CSTPP1: variants seen among roughly 807,000 people sequenced by gnomAD.
CSTPP1 encodes the protein UPF0705 protein C11orf49.
At chr11:47,155,122 C>T in the CSTPP1 span, 15 of 1,412,460 alleles carry the variant, frequency 1.1e-5, no homozygotes, top group South Asian at 1.3e-4. Context: ...CTCTCCCTCC[C>T]CTCCTTAAAC....
At chr11:47,034,769 G>A in the CSTPP1 span, among the ~76,000 whole-genome samples, 3 of 152,042 alleles carry the variant, frequency 2.0e-5, no homozygotes, top group East Asian at 5.8e-4. Flanking sequence ...AAAGTGCTGG[G>A]ATTACAGGCA....
At chr11:46,954,032 C>G in the CSTPP1 span, among the ~76,000 whole-genome samples, 1 of 151,920 alleles carries the variant, frequency 6.6e-6, no homozygotes, top group Non-Finnish European at 1.5e-5. Flanking sequence ...AAAGATAGCT[C>G]GACTAGGGCC....
chr11:47,040,050 G>C, the CSTPP1 span, among the ~76,000 whole-genome samples: 18 of 128,376 alleles, frequency 1.4e-4, 4 homozygotes, highest in Admixed American at 9.9e-4. Flanking sequence ...CATTACAAAG[G>C]CTAACTTTAT....
chr11:47,042,220 T>C, the CSTPP1 span, among the ~76,000 whole-genome samples: 1 of 151,110 alleles, frequency 6.6e-6, no homozygotes, highest in African/African-American at 2.4e-5. Context: ...AAAAATAAAA[T>C]AAAGAAAGAG....
the CSTPP1 span, among the ~76,000 whole-genome samples, chr11:47,074,290 A>G: frequency 2.6e-5 from 4 of 152,124 alleles, no homozygotes; most frequent in Admixed American, 6.6e-5. Flanking sequence ...GCTTGAGCCC[A>G]AGAATTTGAG....
the CSTPP1 span, among the ~76,000 whole-genome samples, chr11:47,121,338 C>G: frequency 6.6e-6 from 1 of 152,094 alleles, no homozygotes; most frequent in Non-Finnish European, 1.5e-5. Flanking sequence ...GTTAGCCACA[C>G]GAGCTTTTGT....
the CSTPP1 span, among the ~76,000 whole-genome samples, chr11:46,974,622 C>T: frequency 1.3e-5 from 2 of 151,620 alleles, no homozygotes; most frequent in Admixed American, 6.6e-5. Flanking sequence ...GGGTGGTTCA[C>T]TTGAGATCAG....
chr11:47,048,022 T>G, the CSTPP1 span, among the ~76,000 whole-genome samples: 1 of 152,112 alleles, frequency 6.6e-6, no homozygotes, highest in Non-Finnish European at 1.5e-5. Flanking sequence ...GCTGAGGAGG[T>G]GGACAAATTG....
chr11:47,085,209 A>G, the CSTPP1 span, among the ~76,000 whole-genome samples: 1 of 152,192 alleles, frequency 6.6e-6, no homozygotes, highest in African/African-American at 2.4e-5. Context: ...TCTCAAACAA[A>G]CAAACAAACA....
At chr11:47,099,758 A>G in the CSTPP1 span, among the ~76,000 whole-genome samples, 1 of 152,226 alleles carries the variant, frequency 6.6e-6, no homozygotes, top group Non-Finnish European at 1.5e-5. Flanking sequence ...TGCCAATGAA[A>G]AAGATTAGCC....
At chr11:47,059,145 G>A in the CSTPP1 span, among the ~76,000 whole-genome samples, 1 of 152,136 alleles carries the variant, frequency 6.6e-6, no homozygotes, top group South Asian at 2.1e-4. Flanking sequence ...TGAACAATGA[G>A]AACACGATGG....
chr11:46,990,362 C>A, the CSTPP1 span, among the ~76,000 whole-genome samples: 1 of 152,060 alleles, frequency 6.6e-6, no homozygotes, highest in African/African-American at 2.4e-5. Context: ...TGGTATCTCA[C>A]TGTGGTTTTG....
chr11:47,030,096 C>T, the CSTPP1 span, among the ~76,000 whole-genome samples: 31 of 152,158 alleles, frequency 2.0e-4, no homozygotes, highest in Admixed American at 4.6e-4. Context: ...TACTGTACTC[C>T]AGCCTTGGTA....
At chr11:47,046,660 C>CTTTTTTTTTTTTTTTTTTTT in the CSTPP1 span, among the ~76,000 whole-genome samples, 13 of 79,732 alleles carry the variant, frequency 1.6e-4, no homozygotes, top group East Asian at 7.7e-4. Context: ...ATCTTCTTTT[C>CTTTTTTTTTTTTTTTTTTTT]TTTTTTTTTT....
At chr11:47,039,059 T>G in the CSTPP1 span, among the ~76,000 whole-genome samples, 1 of 114,402 alleles carries the variant, frequency 8.7e-6, no homozygotes, top group Non-Finnish European at 2.1e-5. Flanking sequence ...CTTTCCAGAC[T>G]GGGCAGCCAG....
the CSTPP1 span, among the ~76,000 whole-genome samples, chr11:47,144,767 A>C: frequency 2.6e-5 from 4 of 152,138 alleles, no homozygotes; most frequent in Non-Finnish European, 5.9e-5. Context: ...GCTCTGCTCC[A>C]AGGGTGAAGA....
At chr11:46,970,930 A>G in the CSTPP1 span, among the ~76,000 whole-genome samples, 1 of 152,240 alleles carries the variant, frequency 6.6e-6, no homozygotes, top group Non-Finnish European at 1.5e-5. Context: ...ACTACGATGT[A>G]GCCATTACAA....
the CSTPP1 span, among the ~76,000 whole-genome samples, chr11:46,959,302 A>G: frequency 6.6e-6 from 1 of 151,716 alleles, no homozygotes; most frequent in Non-Finnish European, 1.5e-5. Context: ...ACTTTTCTCA[A>G]GTTTTTGAAG....
At chr11:47,128,341 T>G in the CSTPP1 span, among the ~76,000 whole-genome samples, 3 of 152,354 alleles carry the variant, frequency 2.0e-5, no homozygotes, top group South Asian at 4.1e-4. Context: ...AAAAAGGCTT[T>G]GTTTTTATAA....
Sources: allele counts gnomAD v4.1 joint callset (sites outside exome capture counted in the v4.1 genomes callset), GRCh38; gene constraint gnomAD v4.1.1; transcripts MANE v1.5; gene names NCBI Gene and HGNC (gene_info 2026-07-23, HGNC 2026-07-21).